The following KIF5C variants were observed in gnomAD, a reference collection of about 807,000 sequenced individuals.
The protein encoded by KIF5C is kinesin family member 5C.
In KIF5C, 18 loss-of-function variants were observed where a neutral mutation model predicts 125.2. The ratio of observed to expected loss-of-function variants is 0.14; its 90% confidence interval spans 0.10 to 0.21. The LOEUF (loss-of-function observed/expected upper bound fraction) is 0.21. KIF5C is among the 10% of genes least tolerant of loss of function. The pLI is 1.00. For missense variants in KIF5C, 780 were observed against 1,183.8 expected (o/e 0.66, Z 5.01); for synonymous variants, 405 against 434.0 (o/e 0.93, Z 0.83).
chr2:148,911,969 C>T (rs1194662726), intron 1 of KIF5C, among the ~76,000 whole-genome samples: 1 of 152,176 alleles, frequency 6.6e-6, no homozygotes, highest in East Asian at 1.9e-4. Context: ...CCTTCCCTTC[C>T]TCCTGCCCCT....
At chr2:148,944,865 T>G (rs1437184889) in intron 7 of KIF5C, among the ~76,000 whole-genome samples, 1 of 152,232 alleles carries the variant, frequency 6.6e-6, no homozygotes, top group East Asian at 1.9e-4. Flanking sequence ...AAGTGCTGTT[T>G]CATTGTGGTT....
At chr2:149,016,481 T>C (rs1682362872) in intron 25 of KIF5C, among the ~76,000 whole-genome samples, 1 of 152,132 alleles carries the variant, frequency 6.6e-6, no homozygotes, top group South Asian at 2.1e-4. Context: ...CTGTCAGGCT[T>C]ACTGATGAGG....
intron 1 of KIF5C, chr2:148,886,335 T>C (rs924568671): frequency 1.3e-5 from 2 of 152,572 alleles, no homozygotes; most frequent in Non-Finnish European, 2.9e-5. Flanking sequence ...CCTCTCTGAA[T>C]GCTGCTGAGG....
rs562116825 is a variant in KIF5C at position 148,997,941 on chromosome 2, A to G, written c.2101-459A>G. The G allele has an allele frequency of 3.2e-4, 55 of 169,438 alleles. 1 individual carries two copies. The highest frequency in any genetic ancestry group is 1.2e-3 in the African/African-American group (50 of 42,042). The allele number at this position is 169,438 out of a possible 1,614,324, so 10.5% of individuals were successfully genotyped here. A position where few individuals can be genotyped will look rare whatever the true frequency, so the allele number is the denominator to read the frequency against. On this transcript the variant is annotated intron_variant, in intron 18 of 25. Coordinates refer to ENST00000435030, the MANE Select transcript of KIF5C (RefSeq NM_004522.3). ...TCGTGGGAGTCCCTTTCCTGTTTTC[A>G]GAGTGCTGTTGCCAAAAGGTCTCCT...
chr2:148,956,167 A>G (rs149504754), intron 10 of KIF5C, among the ~76,000 whole-genome samples: 484 of 152,326 alleles, frequency 3.2e-3, no homozygotes, highest in African/African-American at 0.011. Flanking sequence ...GGGTGCCTTC[A>G]GTGTCATCAC....
rs757025401 is a variant in KIF5C, at chr2:148,937,325, A to G, written c.333A>G (p.Arg111=). The change falls in exon 4 of 26, where the codon CGA becomes CGG. Residue 111 remains arginine (R), a synonymous_variant. Coordinates refer to ENST00000435030, the MANE Select transcript of KIF5C (RefSeq NM_004522.3). Reference sequence around the variant, plus strand: ...CCCAGCTCATGGGGATCATCCCACGAATTGCCCATGATATCTTTGACCATA... The same window carrying G: ...CCCAGCTCATGGGGATCATCCCACGGATTGCCCATGATATCTTTGACCATA... The part of the protein sequence containing the change: ...HDPQLMGIIP[R]IAHDIFDHIY... The G allele has an allele frequency of 3.7e-6, 6 of 1,603,358 alleles. No homozygotes were observed. The highest frequency in any genetic ancestry group is 1.3e-5 in the African/African-American group (1 of 74,900).
intron 7 of KIF5C, among the ~76,000 whole-genome samples, chr2:148,945,012 A>C (rs1682490310): frequency 6.6e-6 from 1 of 151,992 alleles, no homozygotes; most frequent in Non-Finnish European, 1.5e-5. Context: ...GTTGTTGTTG[A>C]CTTGGAGTTC....
rs1352615880 is a variant in KIF5C at position 148,991,137 on chromosome 2, C to T, written c.1844C>T (p.Ser615Phe). 1 of 1,613,860 alleles carries T rather than the reference C, an allele frequency of 6.2e-7. No individual in the cohort carries two copies. Reference protein sequence around the residue: ...SKQLESAQMDSNRKMNASERE... With the variant: ...SKQLESAQMDFNRKMNASERE... ...CAGCTCGAGAGCGCCCAGATGGACT[C>T]CAACAGGAAGATGAATGCCAGCGAG... Residue 615 changes from serine (S) to phenylalanine (F), a missense_variant, in exon 16 of 26, where the codon TCC becomes TTC. Ser to Phe is a radical substitution (Grantham distance 155, BLOSUM62 -2). Around this residue, in one of 2 missense-constraint regions of KIF5C, gnomAD observed 573 missense variants for 742.6 expected, o/e 0.77. Transcript: ENST00000435030.
intron 14 of KIF5C, among the ~76,000 whole-genome samples, chr2:148,983,246 C>A (rs1365705761): frequency 6.6e-6 from 1 of 152,100 alleles, no homozygotes; most frequent in Non-Finnish European, 1.5e-5. Context: ...AAGGTGGGGA[C>A]CCTTGCAGGT....
chr2:148,937,410 C>T, intron 4 of KIF5C, 22 bp downstream of exon 4: 1 of 1,561,684 alleles, frequency 6.4e-7, no homozygotes. Context: ...TGATTGGTCC[C>T]CAGAGAAGAC....
intron 18 of KIF5C, chr2:148,997,971 A>G (rs1318332418): frequency 1.1e-5 from 2 of 181,452 alleles, no homozygotes; most frequent in African/African-American, 2.4e-5. Context: ...TCTCCTTTGG[A>G]CATCATCATA....
chr2:148,898,365 C>T (rs1464278735), intron 1 of KIF5C, among the ~76,000 whole-genome samples: 2 of 152,220 alleles, frequency 1.3e-5, no homozygotes, highest in Non-Finnish European at 2.9e-5. Flanking sequence ...ATTCTCATTT[C>T]CTCTGTAGTA....
intron 16 of KIF5C, among the ~76,000 whole-genome samples, chr2:148,992,047 G>T (rs1043231664): frequency 6.6e-6 from 1 of 152,296 alleles, no homozygotes; most frequent in African/African-American, 2.4e-5. Flanking sequence ...GTCATTTGGA[G>T]TAAACAGGAA....
chr2:148,981,217 TG>T, intron 13 of KIF5C, 137 bp from the exon 14 acceptor site: 1 of 1,270,658 alleles, frequency 7.9e-7, no homozygotes, highest in Non-Finnish European at 1.1e-6. Flanking sequence ...GACCATACAG[TG>T]GGGTTTCCCA....
At chr2:149,004,957 G>A (rs1279085100) in intron 21 of KIF5C, among the ~76,000 whole-genome samples, 2 of 152,216 alleles carry the variant, frequency 1.3e-5, no homozygotes, top group African/African-American at 4.8e-5. Context: ...CAGGAAAAAT[G>A]TGAGTCAGTT....
chr2:149,005,084 A>T (rs1258683751), intron 21 of KIF5C, among the ~76,000 whole-genome samples: 1 of 152,220 alleles, frequency 6.6e-6, no homozygotes, highest in Non-Finnish European at 1.5e-5. Flanking sequence ...CCCAGTAGGA[A>T]TTTTTGTGAG....
At position 148,876,271 on chromosome 2, in the gene KIF5C, C is replaced by CGGCTCCCCGCGGTGTTACACCT. The variant is rs1681187440; in HGVS notation, c.126+535_126+556dup. Among the ~76,000 whole-genome samples the CGGCTCCCCGCGGTGTTACACCT allele has an allele frequency of 6.6e-6, 1 of 152,040 alleles. No homozygotes were observed. The highest frequency in any genetic ancestry group is 1.5e-5 in the Non-Finnish European group (1 of 67,980). Reference sequence around the variant, plus strand: ...CGGAGCTCCCGCGGCAGTGTAGACGCGGCTCCCCGCGGTGTTACACCTGGC... The same window carrying CGGCTCCCCGCGGTGTTACACCT: ...CGGAGCTCCCGCGGCAGTGTAGACGCGGCTCCCCGCGGTGTTACACCTGGCTCCCCGCGGTGTTACACCTGGC... On this transcript the variant is annotated intron_variant, in intron 1 of 25. Coordinates refer to ENST00000435030, the MANE Select transcript of KIF5C (RefSeq NM_004522.3). This position sits in a 1 kb window ranked among gnomAD's most constrained non-coding sequence, Gnocchi z 4.7.
At chr2:148,988,275 G>T (rs1454754593) in intron 15 of KIF5C, among the ~76,000 whole-genome samples, 1 of 152,070 alleles carries the variant, frequency 6.6e-6, no homozygotes, top group Non-Finnish European at 1.5e-5. Context: ...TTTGTTAGGG[G>T]TATTGTTTTT....
intron 21 of KIF5C, 96 bp downstream of exon 21, chr2:149,000,878 T>C: frequency 1.9e-6 from 3 of 1,571,180 alleles, no homozygotes; most frequent in Non-Finnish European, 2.6e-6. Flanking sequence ...TGCACACCTT[T>C]CTGTGTAATG....
Sources: allele counts gnomAD v4.1 joint callset (sites outside exome capture counted in the v4.1 genomes callset), GRCh38; gene constraint gnomAD v4.1.1; regional missense constraint gnomAD v4.1.1; non-coding constraint Gnocchi (gnomAD v3.1); transcripts MANE v1.5; gene names NCBI Gene and HGNC (gene_info 2026-07-23, HGNC 2026-07-21).